The following CSMD3 variants were observed in gnomAD, a reference collection of about 807,000 sequenced individuals.
CSMD3 encodes CUB and Sushi multiple domains 3, also known as CUB and sushi domain-containing protein 3.
CSMD3 carries 177 observed loss-of-function variants against 435.2 expected under a neutral mutation model. The observed-to-expected ratio is 0.41, with a 90% confidence interval of 0.36 to 0.46. The LOEUF is 0.46. Ranked by LOEUF, CSMD3 falls within the 20% of genes least tolerant of loss-of-function variation. The probability of loss-of-function intolerance (pLI) is 0.34; values close to 1 mark genes in which losing one functional copy is unlikely to be tolerated. For synonymous variants in CSMD3, 1,656 were observed against 1,520.5 expected (o/e 1.09, Z -2.07); for missense variants, 4,265 against 4,504.6 (o/e 0.95, Z 1.52).
Position 113,321,730 on chromosome 8 carries a change from T to C in CSMD3, c.179-6937A>G, listed in dbSNP as rs114888030. Among the ~76,000 whole-genome samples, 1,218 of 152,274 alleles carry C rather than the reference T, an allele frequency of 8.0e-3. 19 individuals carry two copies. The highest frequency in any genetic ancestry group is 0.027 in the African/African-American group (1,135 of 41,570). On this transcript the variant is annotated intron_variant, in intron 1 of 70. Coordinates refer to ENST00000297405, the MANE Select transcript of CSMD3 (RefSeq NM_198123.2). ...CCAAATGACTCTCCAAACTTCCACATTGAGGAAACTCAGAGACAAATAGGG... is the reference window on the plus strand; with the variant it reads ...CCAAATGACTCTCCAAACTTCCACACTGAGGAAACTCAGAGACAAATAGGG...
At chr8:112,911,462 T>A (rs1219216001) in intron 10 of CSMD3, among the ~76,000 whole-genome samples, 1 of 151,820 alleles carries the variant, frequency 6.6e-6, no homozygotes, top group Non-Finnish European at 1.5e-5. Context: ...GTTATAGTCA[T>A]CAGGCTCAAC....
intron 35 of CSMD3, among the ~76,000 whole-genome samples, chr8:112,401,659 T>C (rs1425715528): frequency 6.6e-6 from 1 of 152,210 alleles, no homozygotes; most frequent in Non-Finnish European, 1.5e-5. Context: ...TGACCTGGAA[T>C]GCATTAATTG....
At chr8:112,488,830 A>G (rs887468328) in intron 31 of CSMD3, among the ~76,000 whole-genome samples, 1 of 152,286 alleles carries the variant, frequency 6.6e-6, no homozygotes, top group Non-Finnish European at 1.5e-5. Flanking sequence ...TAGAATTGGT[A>G]AATAAAGAAA....
chr8:113,305,307 T>A (rs1431893272), intron 2 of CSMD3, among the ~76,000 whole-genome samples: 1 of 152,026 alleles, frequency 6.6e-6, no homozygotes, highest in East Asian at 1.9e-4. Context: ...ATAATAATAA[T>A]AAATAAATTT....
At chr8:112,266,564 T>C (rs988708706) in intron 59 of CSMD3, among the ~76,000 whole-genome samples, 1 of 152,196 alleles carries the variant, frequency 6.6e-6, no homozygotes, top group African/African-American at 2.4e-5. Context: ...AGCATTAAAC[T>C]CTAAGCACAA....
At chr8:112,743,265 A>T (rs952307479) in intron 13 of CSMD3, among the ~76,000 whole-genome samples, 1 of 151,828 alleles carries the variant, frequency 6.6e-6, no homozygotes, top group Non-Finnish European at 1.5e-5. Context: ...ATTATAAATG[A>T]TATGGCAGTA....
At chr8:112,417,009 A>G (rs1811987355) in intron 32 of CSMD3, among the ~76,000 whole-genome samples, 1 of 152,192 alleles carries the variant, frequency 6.6e-6, no homozygotes, top group Non-Finnish European at 1.5e-5. Context: ...AAGCAACTCT[A>G]GTAGTCAGAA....
At chr8:112,619,965 A>C (rs531860932) in intron 22 of CSMD3, among the ~76,000 whole-genome samples, 1 of 152,240 alleles carries the variant, frequency 6.6e-6, no homozygotes, top group African/African-American at 2.4e-5. Context: ...AAAAAAGTTC[A>C]ATCAGAATCT....
At chr8:112,277,546 C>T (rs1818189317) in intron 59 of CSMD3, among the ~76,000 whole-genome samples, 1 of 152,200 alleles carries the variant, frequency 6.6e-6, no homozygotes, top group South Asian at 2.1e-4. Flanking sequence ...CTGTTCCAAC[C>T]TCTGCCTATT....
chr8:112,370,188 A>ATTGTT (rs1441344494), intron 38 of CSMD3, among the ~76,000 whole-genome samples: 7 of 152,160 alleles, frequency 4.6e-5, no homozygotes, highest in African/African-American at 1.4e-4. Flanking sequence ...AAACATAATC[A>ATTGTT]TTGTTTTGTT....
At chr8:112,921,351 T>A (rs990035266) in intron 10 of CSMD3, among the ~76,000 whole-genome samples, 2 of 151,916 alleles carry the variant, frequency 1.3e-5, no homozygotes, top group African/African-American at 2.4e-5. Context: ...ACAGGGTAAT[T>A]GTGATTTTCA....
intron 1 of CSMD3, among the ~76,000 whole-genome samples, chr8:113,353,756 T>C (rs906926061): frequency 2.0e-5 from 3 of 152,128 alleles, no homozygotes; most frequent in African/African-American, 4.8e-5. Context: ...AGGACTTTTT[T>C]CCCCCCAAAT....
At chr8:112,501,141 A>T (rs531644048) in intron 30 of CSMD3, among the ~76,000 whole-genome samples, 23 of 149,428 alleles carry the variant, frequency 1.5e-4, no homozygotes, top group African/African-American at 5.4e-4. Flanking sequence ...CCCTAAACTC[A>T]CTCTTCATGT....
intron 7 of CSMD3, among the ~76,000 whole-genome samples, chr8:112,963,036 A>G (rs2084289297): frequency 6.6e-6 from 1 of 151,884 alleles, no homozygotes; most frequent in African/African-American, 2.4e-5. Flanking sequence ...CTATCAACAG[A>G]CTCCCTTAAC....
At chr8:113,192,071 T>G (rs1182426465) in intron 3 of CSMD3, among the ~76,000 whole-genome samples, 1 of 151,774 alleles carries the variant, frequency 6.6e-6, no homozygotes, top group African/African-American at 2.4e-5. Flanking sequence ...CTGTGTCTTT[T>G]GCCTATTTTA....
intron 4 of CSMD3, among the ~76,000 whole-genome samples, chr8:113,107,343 A>C (rs927309835): frequency 6.6e-6 from 1 of 151,386 alleles, no homozygotes; most frequent in African/African-American, 2.4e-5. Context: ...CTGGTCTTGA[A>C]CTCCTGTTCT....
At chr8:112,570,124 G>A (rs947396634) in intron 24 of CSMD3, among the ~76,000 whole-genome samples, 6 of 151,150 alleles carry the variant, frequency 4.0e-5, no homozygotes, top group Non-Finnish European at 5.9e-5. Flanking sequence ...ATTCTATCAC[G>A]TTCAGGAATT....
intron 3 of CSMD3, among the ~76,000 whole-genome samples, chr8:113,227,367 T>C (rs1241857519): frequency 1.3e-5 from 2 of 151,608 alleles, no homozygotes; most frequent in South Asian, 4.1e-4. Context: ...AAGAGAATGA[T>C]TGGCTCTGAT....
chr8:113,126,718 T>C (rs2091142701), intron 4 of CSMD3, among the ~76,000 whole-genome samples: 1 of 151,980 alleles, frequency 6.6e-6, no homozygotes, highest in Admixed American at 6.6e-5. Flanking sequence ...TCCTTTTTTA[T>C]GTTGTTTATA....
Sources: gnomAD v4.1 joint callset for allele counts (sites outside exome capture counted in the v4.1 genomes callset) on GRCh38, gnomAD v4.1.1 for gene constraint, MANE v1.5 for transcripts, NCBI Gene and HGNC (gene_info 2026-07-23, HGNC 2026-07-21) for gene names.